The following C12orf42 variants were observed in gnomAD, a reference collection of about 807,000 sequenced individuals.
C12orf42 encodes the protein chromosome 12 open reading frame 42, also known as uncharacterized protein C12orf42.
A neutral mutation model predicts 21.6 loss-of-function variants in C12orf42; 25 were observed. That is an observed-to-expected ratio of 1.16 (90% CI 0.84 to 1.62). The LOEUF (loss-of-function observed/expected upper bound fraction) is 1.62. Ranked by LOEUF, C12orf42 falls within the 40% of genes most tolerant of loss-of-function variation. The probability of loss-of-function intolerance (pLI) is 0.00; values close to 1 mark genes in which losing one functional copy is unlikely to be tolerated. For synonymous variants in C12orf42, 174 were observed against 175.0 expected, an observed-to-expected ratio of 0.99 and a Z score of 0.05; for missense variants, 483 against 459.3, an observed-to-expected ratio of 1.05 and a Z score of -0.47.
At chr12:103,563,025 A>T in the C12orf42 span, among the ~76,000 whole-genome samples, 1 of 152,234 alleles carries the variant, frequency 6.6e-6, no homozygotes, top group Admixed American at 6.5e-5. Context: ...AATAGTTTGG[A>T]TTCGCTTGAT....
chr12:103,140,162 T>C, the C12orf42 span, among the ~76,000 whole-genome samples: 2 of 152,326 alleles, frequency 1.3e-5, no homozygotes, highest in East Asian at 1.9e-4. Context: ...GTCATCTTTA[T>C]GGCTCCTTGG....
At chr12:103,105,723 G>A in the C12orf42 span, among the ~76,000 whole-genome samples, 4 of 151,146 alleles carry the variant, frequency 2.6e-5, no homozygotes, top group African/African-American at 7.4e-5. Context: ...TACAAGGTAC[G>A]GCTTAAAATG....
intron 3 of C12orf42, among the ~76,000 whole-genome samples, chr12:103,395,304 A>G (rs1203977129): frequency 2.0e-5 from 3 of 152,018 alleles, no homozygotes; most frequent in Admixed American, 1.3e-4. Context: ...TAGTAAGAAC[A>G]CTAATAGAAA....
At chr12:103,266,092 C>A (rs1217029828), downstream of C12orf42, among the ~76,000 whole-genome samples, 1 of 152,098 alleles carries the variant, frequency 6.6e-6, no homozygotes, top group Non-Finnish European at 1.5e-5. Context: ...TGAGGACAAG[C>A]AATGTGTCTT....
the C12orf42 span, among the ~76,000 whole-genome samples, chr12:103,121,554 A>C: frequency 6.6e-6 from 1 of 152,242 alleles, no homozygotes; most frequent in Non-Finnish European, 1.5e-5. Context: ...CATGCAGAGA[A>C]GAGAGAGAGC....
the C12orf42 span, among the ~76,000 whole-genome samples, chr12:103,071,428 T>G: frequency 6.6e-6 from 1 of 152,284 alleles, no homozygotes; most frequent in South Asian, 2.1e-4. Context: ...ACTTCTGATT[T>G]AGGGGTTGAA....
intron 2 of C12orf42, among the ~76,000 whole-genome samples, chr12:103,435,744 G>C (rs1305271521): frequency 1.3e-5 from 2 of 152,008 alleles, no homozygotes; most frequent in Non-Finnish European, 2.9e-5. Context: ...AGAAATATGG[G>C]ACTATGTGAA....
intron 5 of C12orf42, among the ~76,000 whole-genome samples, chr12:103,276,351 G>A (rs568127856): frequency 6.6e-6 from 1 of 152,106 alleles, no homozygotes; most frequent in Non-Finnish European, 1.5e-5. Flanking sequence ...ATTCTTCCTA[G>A]TGTTTGCAGA....
the C12orf42 span, chr12:103,504,518 G>C: frequency 0.015 from 2,272 of 153,416 alleles, 32 homozygotes; most frequent in Non-Finnish European, 0.024. Flanking sequence ...GGTATCATGT[G>C]GGGAGTGCTT....
chr12:103,151,284 G>A, the C12orf42 span, among the ~76,000 whole-genome samples: 1 of 151,964 alleles, frequency 6.6e-6, no homozygotes, highest in Non-Finnish European at 1.5e-5. Flanking sequence ...CTTCACCAAT[G>A]AATTAATTCA....
At chr12:103,330,986 C>T (rs2041193509) in intron 4 of C12orf42, among the ~76,000 whole-genome samples, 1 of 152,178 alleles carries the variant, frequency 6.6e-6, no homozygotes, top group Non-Finnish European at 1.5e-5. Context: ...ATATTTAAGA[C>T]TCATAACTGC....
chr12:103,304,533 CA>C (rs770677773), intron 5 of C12orf42, among the ~76,000 whole-genome samples: 32 of 152,116 alleles, frequency 2.1e-4, no homozygotes, highest in Non-Finnish European at 4.3e-4. Context: ...TGTTAAGCAT[CA>C]AGTACATGGC....
At chr12:103,291,971 G>A (rs938173404) in intron 4 of C12orf42, among the ~76,000 whole-genome samples, 6 of 152,170 alleles carry the variant, frequency 3.9e-5, no homozygotes, top group Admixed American at 6.6e-5. Flanking sequence ...GTACATGAGT[G>A]TTGATAGCAG....
At chr12:103,480,083 G>A (rs899544887) in intron 1 of C12orf42, among the ~76,000 whole-genome samples, 3 of 151,808 alleles carry the variant, frequency 2.0e-5, no homozygotes, top group African/African-American at 7.2e-5. Context: ...ATCTTTGTGG[G>A]AAAAATTTAA....
chr12:103,269,559 T>C (rs2035341086), intron 6 of C12orf42, among the ~76,000 whole-genome samples: 1 of 152,200 alleles, frequency 6.6e-6, no homozygotes, highest in Non-Finnish European at 1.5e-5. Flanking sequence ...AATCAGTGTT[T>C]AATATTCATC....
chr12:103,505,826 G>A, the C12orf42 span, among the ~76,000 whole-genome samples: 3 of 152,202 alleles, frequency 2.0e-5, no homozygotes, highest in Non-Finnish European at 2.9e-5. Context: ...GTTACAGGGG[G>A]TCACAAATGA....
chr12:103,068,516 T>C, the C12orf42 span, among the ~76,000 whole-genome samples: 1 of 152,012 alleles, frequency 6.6e-6, no homozygotes, highest in African/African-American at 2.4e-5. Context: ...CCTGATTGGA[T>C]TGAAGGATGC....
chr12:103,285,799 C>T (rs138857863), intron 4 of C12orf42, among the ~76,000 whole-genome samples: 19 of 152,256 alleles, frequency 1.2e-4, no homozygotes, highest in East Asian at 7.7e-4. Flanking sequence ...AAATAATTGA[C>T]GCAAACATTG....
chr12:103,305,877 G>T, intron 5 of C12orf42, 97 bp downstream of exon 5: 1 of 1,388,438 alleles, frequency 7.2e-7, no homozygotes, highest in Non-Finnish European at 9.7e-7. Context: ...AATAGGACTG[G>T]CCATGAAGTC....
Sources: allele counts gnomAD v4.1 joint callset (sites outside exome capture counted in the v4.1 genomes callset), GRCh38; gene constraint gnomAD v4.1.1; transcripts MANE v1.5; gene names NCBI Gene and HGNC (gene_info 2026-07-23, HGNC 2026-07-21).